The following GFRAL variants were observed in gnomAD, a reference collection of about 807,000 sequenced individuals.
GFRAL encodes the protein GDNF family receptor alpha-like.
Under a neutral mutation model 45.4 loss-of-function variants are expected in GFRAL, and 36 were observed. That is an observed-to-expected ratio of 0.79 (90% CI 0.61 to 1.05). GFRAL has a LOEUF of 1.05. GFRAL is among the 50% of genes least tolerant of loss of function. The pLI, the probability that GFRAL is intolerant of heterozygous loss-of-function variation, is 0.00. For missense variants in GFRAL, 507 were observed against 467.5 expected (o/e 1.08, Z -0.78); for synonymous variants, 166 against 154.1 (o/e 1.08, Z -0.57).
chr6:55,342,887 A>G (rs558281808), intron 3 of GFRAL, among the ~76,000 whole-genome samples: 164 of 152,306 alleles, frequency 1.1e-3, no homozygotes, highest in African/African-American at 3.7e-3. Flanking sequence ...CTAGTCTCTG[A>G]TAAAACAGAC....
chr6:55,363,607 T>C, intron 6 of GFRAL, among the ~76,000 whole-genome samples: 1 of 107,770 alleles, frequency 9.3e-6, no homozygotes, highest in South Asian at 3.1e-4. Context: ...CCCACCTCAG[T>C]CCCCAGAGTG....
chr6:55,372,740 A>G (rs1768468456), intron 6 of GFRAL, among the ~76,000 whole-genome samples: 1 of 152,148 alleles, frequency 6.6e-6, no homozygotes, highest in African/African-American at 2.4e-5. Context: ...AGGGAACTAT[A>G]GTCTAGCTTT....
intron 3 of GFRAL, among the ~76,000 whole-genome samples, chr6:55,342,057 C>A (rs1767973670): frequency 6.6e-6 from 1 of 152,232 alleles, no homozygotes; most frequent in Non-Finnish European, 1.5e-5. Flanking sequence ...ATTGGTGTAC[C>A]TGAAAGTGAT....
chr6:55,395,687 A>G (rs1581762226), intron 6 of GFRAL, among the ~76,000 whole-genome samples: 4 of 152,018 alleles, frequency 2.6e-5, no homozygotes, highest in Admixed American at 6.6e-5. Context: ...CTGATCAACC[A>G]TAACTTTTAC....
intron 3 of GFRAL, among the ~76,000 whole-genome samples, chr6:55,342,285 T>A (rs530628494): frequency 6.6e-6 from 1 of 152,210 alleles, no homozygotes; most frequent in South Asian, 2.1e-4. Flanking sequence ...AAAGGTTGGG[T>A]TACCCACAAA....
intron 6 of GFRAL, among the ~76,000 whole-genome samples, chr6:55,361,399 T>G (rs1346633886): frequency 1.3e-5 from 2 of 152,080 alleles, no homozygotes; most frequent in East Asian, 1.9e-4. Context: ...TCCCATATAC[T>G]TTAAATAATA....
At chr6:55,362,013 C>T (rs974803957) in intron 6 of GFRAL, among the ~76,000 whole-genome samples, 5 of 151,944 alleles carry the variant, frequency 3.3e-5, no homozygotes, top group African/African-American at 1.2e-4. Flanking sequence ...TTTTATGCAA[C>T]ATACTCTGTT....
chr6:55,364,236 CTTTT>C (rs900526935), intron 6 of GFRAL, among the ~76,000 whole-genome samples: 6 of 151,382 alleles, frequency 4.0e-5, no homozygotes, highest in African/African-American at 1.2e-4. Context: ...TAAATGTCTT[CTTTT>C]GAGAAGTGTC....
intron 3 of GFRAL, among the ~76,000 whole-genome samples, chr6:55,341,548 G>A (rs139322815): frequency 9.0e-4 from 137 of 152,142 alleles, no homozygotes; most frequent in Middle Eastern, 3.4e-3. Flanking sequence ...AAGACCAAAG[G>A]TAGATAAAAC....
chr6:55,397,883 C>T (rs537782345), intron 6 of GFRAL, among the ~76,000 whole-genome samples: 51 of 151,524 alleles, frequency 3.4e-4, no homozygotes, highest in African/African-American at 1.1e-3. Flanking sequence ...GATTATAATA[C>T]CGTATTTTTT....
At chr6:55,366,010 G>C (rs1027776086) in intron 6 of GFRAL, among the ~76,000 whole-genome samples, 2 of 150,590 alleles carry the variant, frequency 1.3e-5, no homozygotes, top group Admixed American at 6.6e-5. Flanking sequence ...GTTTCAGAAG[G>C]AATGGTACCA....
intron 6 of GFRAL, among the ~76,000 whole-genome samples, chr6:55,394,561 G>C (rs1768796883): frequency 6.6e-6 from 1 of 152,142 alleles, no homozygotes; most frequent in South Asian, 2.1e-4. Context: ...CAATTATCAA[G>C]ACAACTATTT....
chr6:55,351,674 G>C, intron 5 of GFRAL, 91 bp downstream of exon 5: 1 of 861,424 alleles, frequency 1.2e-6, no homozygotes, highest in Non-Finnish European at 1.8e-6. Context: ...ACATTAGCTA[G>C]AGTTCCCACC....
intron 6 of GFRAL, among the ~76,000 whole-genome samples, chr6:55,388,495 C>T (rs2127364907): frequency 6.6e-6 from 1 of 152,260 alleles, no homozygotes; most frequent in Admixed American, 6.5e-5. Context: ...TCTAGTATAA[C>T]AGACAGTCTA....
At chr6:55,364,429 G>T (rs1768329118) in intron 6 of GFRAL, among the ~76,000 whole-genome samples, 1 of 146,044 alleles carries the variant, frequency 6.8e-6, no homozygotes, top group African/African-American at 2.6e-5. Flanking sequence ...CTGTGCAGAA[G>T]CTCTTTAGTT....
intron 6 of GFRAL, among the ~76,000 whole-genome samples, chr6:55,395,175 A>AATATATATAT (rs1234650477): frequency 0.016 from 2,003 of 123,266 alleles, 30 homozygotes; most frequent in African/African-American, 0.025. Context: ...AAAAAAAAAA[A>AATATATATAT]ATATATATAT....
intron 3 of GFRAL, among the ~76,000 whole-genome samples, chr6:55,348,429 T>A (rs753789306): frequency 6.6e-6 from 1 of 152,118 alleles, no homozygotes; most frequent in Non-Finnish European, 1.5e-5. Flanking sequence ...AGTAAGTAAA[T>A]TAGGCTGCTC....
At chr6:55,392,253 C>T (rs1209193406) in intron 6 of GFRAL, among the ~76,000 whole-genome samples, 3 of 152,116 alleles carry the variant, frequency 2.0e-5, no homozygotes, top group African/African-American at 7.2e-5. Flanking sequence ...ACATTTTTCC[C>T]CTTACTGGAA....
intron 6 of GFRAL, among the ~76,000 whole-genome samples, chr6:55,367,774 C>G (rs1768385925): frequency 6.6e-6 from 1 of 152,010 alleles, no homozygotes; most frequent in African/African-American, 2.4e-5. Context: ...TTGGCCCCCA[C>G]TCTCTTCTGG....
Sources: allele counts gnomAD v4.1 joint callset (sites outside exome capture counted in the v4.1 genomes callset), GRCh38; gene constraint gnomAD v4.1.1; transcripts MANE v1.5; gene names NCBI Gene and HGNC (gene_info 2026-07-23, HGNC 2026-07-21).